ZNF644: variants seen among roughly 807,000 people sequenced by gnomAD.
ZNF644 encodes the protein zinc finger motif enhancer binding protein 2.
A neutral mutation model predicts 108.0 loss-of-function variants in ZNF644; 20 were observed. The ratio of observed to expected loss-of-function variants is 0.19; its 90% CI spans 0.13 to 0.27. The LOEUF is 0.27. Ranked by LOEUF, ZNF644 falls within the 10% of genes least tolerant of loss-of-function variation. The pLI, the probability that ZNF644 is intolerant of heterozygous loss-of-function variation, is 1.00. For synonymous variants in ZNF644, 542 were observed against 539.1 expected, an observed-to-expected ratio of 1.01 and a Z score of -0.08; for missense variants, 1,338 against 1,548.9, an observed-to-expected ratio of 0.86 and a Z score of 2.29.
chr1:90,998,193 G>A (rs759505245), intron 1 of ZNF644, among the ~76,000 whole-genome samples: 32 of 152,322 alleles, frequency 2.1e-4, no homozygotes, highest in South Asian at 4.1e-4. Context: ...GCTTTGAAGC[G>A]AGTAGTGGTT....
intron 2 of ZNF644, 40 bp downstream of exon 2, chr1:90,982,270 A>G: frequency 6.6e-7 from 1 of 1,521,332 alleles, no homozygotes; most frequent in Non-Finnish European, 9.1e-7. Context: ...TATTATTCCT[A>G]CCTTGATATG....
intron 2 of ZNF644, among the ~76,000 whole-genome samples, chr1:90,972,578 T>C (rs1278301741): frequency 2.0e-5 from 3 of 152,092 alleles, no homozygotes; most frequent in Non-Finnish European, 4.4e-5. Flanking sequence ...AAACTAAAAA[T>C]AGAATTACCA....
At chr1:91,007,054 A>G (rs1054145567) in intron 1 of ZNF644, among the ~76,000 whole-genome samples, 5 of 151,882 alleles carry the variant, frequency 3.3e-5, no homozygotes, top group Non-Finnish European at 7.4e-5. Flanking sequence ...TCCATTCCTG[A>G]AAGCTTTCTT....
At position 90,939,053 on chromosome 1, in the gene ZNF644, A is replaced by T; in HGVS notation, c.2301T>A (p.Ser767Arg). ...AAAACAGGTGTAAAGAATTTAATGA[A>T]CTAGCTTCTTCTTTTTTGAAATGCA... The part of the protein sequence containing the change: ...YPVHFKKEEA[S>R]SLNSLHLFSS... Residue 767 changes from serine to arginine, a missense_variant, in exon 3 of 6, where the codon AGT becomes AGA. Physicochemically the swap from Ser to Arg is moderately radical, Grantham distance 110. Around this residue, in one of 6 missense-constraint regions of ZNF644, gnomAD observed 462 missense variants for 472.6 expected, o/e 0.98. Coordinates refer to ENST00000337393, the MANE Select transcript of ZNF644 (RefSeq NM_201269.3). 2 of 1,614,040 alleles carry T rather than the reference A, an allele frequency of 1.2e-6. No homozygotes were observed. The highest frequency in any genetic ancestry group is 1.7e-6 in the Non-Finnish European group (2 of 1,179,936).
intron 4 of ZNF644, among the ~76,000 whole-genome samples, chr1:90,925,019 C>G (rs1649866375): frequency 6.6e-6 from 1 of 152,134 alleles, no homozygotes; most frequent in Non-Finnish European, 1.5e-5. Context: ...TCTGGCCAAC[C>G]ACATGCCTTG....
At chr1:90,935,576 T>C in intron 4 of ZNF644, 1 of 985,356 alleles carries the variant, frequency 1.0e-6, no homozygotes, top group Non-Finnish European at 1.2e-6. Flanking sequence ...CTTCAAAAAG[T>C]GAAATTTTCT....
chr1:90,972,727 A>G (rs1655616434), intron 2 of ZNF644: 1 of 152,256 alleles, frequency 6.6e-6, no homozygotes. Flanking sequence ...GTGTCCACCA[A>G]TGGACAAATA....
chr1:90,954,264 A>G (rs116283476), intron 2 of ZNF644, among the ~76,000 whole-genome samples: 242 of 152,288 alleles, frequency 1.6e-3, no homozygotes, highest in African/African-American at 5.6e-3. Flanking sequence ...TCTAAATCCT[A>G]TGTTGTCATT....
chr1:90,927,449 T>TA (rs2100836114), intron 4 of ZNF644, among the ~76,000 whole-genome samples: 1 of 152,230 alleles, frequency 6.6e-6, no homozygotes, highest in East Asian at 1.9e-4. Flanking sequence ...TTACCCAAAA[T>TA]ACTCGATTAA....
At chr1:90,980,218 G>A (rs1457055033) in intron 2 of ZNF644, among the ~76,000 whole-genome samples, 2 of 152,104 alleles carry the variant, frequency 1.3e-5, no homozygotes, top group African/African-American at 4.8e-5. Flanking sequence ...GACAAACTAC[G>A]GCCAGGCATG....
chr1:90,999,303 T>A (rs1363319503), intron 1 of ZNF644, among the ~76,000 whole-genome samples: 1 of 152,106 alleles, frequency 6.6e-6, no homozygotes, highest in Non-Finnish European at 1.5e-5. Context: ...AAAGGTCAGG[T>A]TACCCACAAA....
chr1:90,948,641 G>C (rs1485380840), intron 2 of ZNF644, among the ~76,000 whole-genome samples: 1 of 152,104 alleles, frequency 6.6e-6, no homozygotes, highest in Non-Finnish European at 1.5e-5. Flanking sequence ...TTTGGTTTGG[G>C]TGCGGATGCA....
At chr1:90,945,739 C>T (rs1183573745) in intron 2 of ZNF644, among the ~76,000 whole-genome samples, 1 of 151,984 alleles carries the variant, frequency 6.6e-6, no homozygotes. Flanking sequence ...TTTCTGTTCA[C>T]GAATAATTCT....
chr1:91,006,644 G>A (rs1320724224), intron 1 of ZNF644, among the ~76,000 whole-genome samples: 2 of 151,690 alleles, frequency 1.3e-5, no homozygotes, highest in Non-Finnish European at 2.9e-5. Context: ...TTTCTCTAAA[G>A]ACATGCCATC....
intron 1 of ZNF644, among the ~76,000 whole-genome samples, chr1:90,993,131 C>T (rs1380111453): frequency 1.3e-5 from 2 of 152,092 alleles, no homozygotes; most frequent in Non-Finnish European, 2.9e-5. Flanking sequence ...CAGTGGAATC[C>T]AGCAGATTTC....
chr1:90,974,286 G>A (rs1655784251), intron 2 of ZNF644, among the ~76,000 whole-genome samples: 1 of 151,822 alleles, frequency 6.6e-6, no homozygotes, highest in African/African-American at 2.4e-5. Flanking sequence ...CCAAGATTGC[G>A]CCACTGCACT....
intron 2 of ZNF644, among the ~76,000 whole-genome samples, chr1:90,957,261 A>G (rs1047478740): frequency 3.3e-5 from 5 of 152,228 alleles, no homozygotes; most frequent in Non-Finnish European, 5.9e-5. Context: ...CAGAAATGGA[A>G]GATGAGACAA....
intron 2 of ZNF644, 60 bp from the exon 3 acceptor site, chr1:90,941,369 A>T: frequency 6.9e-7 from 1 of 1,441,106 alleles, no homozygotes; most frequent in Non-Finnish European, 9.5e-7. Flanking sequence ...ATTAGAATGT[A>T]TGGAGAGTTG....
rs376492739 is a variant in ZNF644 at position 90,993,188 on chromosome 1, T to A, written c.-17-10818A>T. Reference sequence around the variant, plus strand: ...GGCTTCAAGAGACATTGTATACTTCTGCTCTTTCCTTCAAAACCTTGCCAC... The same window carrying A: ...GGCTTCAAGAGACATTGTATACTTCAGCTCTTTCCTTCAAAACCTTGCCAC... On this transcript the variant is annotated intron_variant, in intron 1 of 5. Coordinates refer to ENST00000337393, the MANE Select transcript of ZNF644 (RefSeq NM_201269.3). Among the ~76,000 whole-genome samples the A allele has an allele frequency of 3.3e-5, 5 of 152,194 alleles. No individual in the cohort carries two copies. The East Asian group carries it at 9.7e-4, about 29-fold the overall frequency.
Sources: gnomAD v4.1 joint callset for allele counts (sites outside exome capture counted in the v4.1 genomes callset) on GRCh38, gnomAD v4.1.1 for gene constraint, gnomAD v4.1.1 regional missense constraint, MANE v1.5 for transcripts, NCBI Gene and HGNC (gene_info 2026-07-23, HGNC 2026-07-21) for gene names.